Variants in NKAIN3 observed in about 807,000 individuals in gnomAD.
NKAIN3 encodes sodium/potassium transporting ATPase interacting 3, also known as sodium/potassium-transporting ATPase subunit beta-1-interacting protein 3.
NKAIN3 carries 25 observed loss-of-function variants against 30.2 expected under a neutral mutation model. That is an observed-to-expected ratio of 0.83 (90% CI 0.60 to 1.16). The LOEUF is 1.16. Ranked by LOEUF, NKAIN3 falls within the 50% of genes most tolerant of loss-of-function variation. The probability of loss-of-function intolerance (pLI) is 0.00; values close to 1 mark genes in which losing one functional copy is unlikely to be tolerated. For missense variants in NKAIN3, 225 were observed against 254.1 expected (o/e 0.89, Z 0.78); for synonymous variants, 91 against 89.6 (o/e 1.02, Z -0.09).
chr8:62,729,040 C>CAAAAA (rs1317282077), intron 3 of NKAIN3, among the ~76,000 whole-genome samples: 2 of 61,190 alleles, frequency 3.3e-5, no homozygotes, highest in African/African-American at 1.4e-4. Context: ...AAAAAAAAAA[C>CAAAAA]AAAAAAAAAA....
chr8:62,358,100 C>T (rs1490483156), intron 1 of NKAIN3, among the ~76,000 whole-genome samples: 1 of 151,990 alleles, frequency 6.6e-6, no homozygotes. Context: ...TAAGGTATGC[C>T]TAATTTATCA....
intron 1 of NKAIN3, among the ~76,000 whole-genome samples, chr8:62,560,729 TG>T (rs1337226333): frequency 4.0e-5 from 6 of 151,504 alleles, no homozygotes; most frequent in Non-Finnish European, 8.8e-5. Flanking sequence ...TTAGTAGAGA[TG>T]GGGTTTCACC....
intron 1 of NKAIN3, among the ~76,000 whole-genome samples, chr8:62,373,350 C>G (rs1816966861): frequency 6.6e-6 from 1 of 152,158 alleles, no homozygotes. Flanking sequence ...TGAAATTCTA[C>G]TAACTTTATT....
rs556211301 is a variant in NKAIN3 at position 62,310,258 on chromosome 8, T to A, written c.54+61131T>A. On this transcript the variant is annotated intron_variant, in intron 1 of 6. Coordinates refer to ENST00000623646, the MANE Select transcript of NKAIN3 (RefSeq NM_001304533.3). ...GGCTTAAAGAAGATGATAAATGGCATTGAAGTTATTACTATAGAAATGAAA... is the reference window on the plus strand; with the variant it reads ...GGCTTAAAGAAGATGATAAATGGCAATGAAGTTATTACTATAGAAATGAAA... 6.7e-4 allele frequency among the ~76,000 whole-genome samples: 101 copies of A among 150,556 alleles called. 4 individuals carry two copies. The highest frequency in any genetic ancestry group is 2.4e-3 in the African/African-American group (96 of 39,934).
chr8:62,504,779 C>T (rs770634993), intron 1 of NKAIN3, among the ~76,000 whole-genome samples: 1 of 152,156 alleles, frequency 6.6e-6, no homozygotes, highest in African/African-American at 2.4e-5. Context: ...AGCTGTCAAT[C>T]TCCCTTACAG....
At chr8:62,756,665 T>C (rs1186711840) in intron 4 of NKAIN3, among the ~76,000 whole-genome samples, 1 of 152,208 alleles carries the variant, frequency 6.6e-6, no homozygotes, top group African/African-American at 2.4e-5. Flanking sequence ...CCTGGTCTTA[T>C]ATAAATCCAA....
chr8:62,370,543 C>G (rs542282992), intron 1 of NKAIN3, among the ~76,000 whole-genome samples: 10 of 151,898 alleles, frequency 6.6e-5, no homozygotes, highest in Admixed American at 5.2e-4. Context: ...ATGTATTCCT[C>G]TAGTAATTTG....
intron 1 of NKAIN3, among the ~76,000 whole-genome samples, chr8:62,435,751 G>C (rs940897657): frequency 1.3e-5 from 2 of 152,042 alleles, no homozygotes; most frequent in Admixed American, 6.6e-5. Context: ...AAATACAAAA[G>C]TTATTATAAA....
intron 4 of NKAIN3, among the ~76,000 whole-genome samples, chr8:62,831,540 A>C (rs1296850886): frequency 6.6e-6 from 1 of 152,174 alleles, no homozygotes; most frequent in African/African-American, 2.4e-5. Context: ...AATCAATCAG[A>C]GCTTTTGGAA....
intron 3 of NKAIN3, among the ~76,000 whole-genome samples, chr8:62,665,782 G>A (rs1813079290): frequency 6.6e-6 from 1 of 152,122 alleles, no homozygotes; most frequent in African/African-American, 2.4e-5. Context: ...ATGATGCAAA[G>A]GTGTCTATGT....
intron 1 of NKAIN3, among the ~76,000 whole-genome samples, chr8:62,320,681 A>G (rs1814851764): frequency 1.3e-5 from 2 of 152,238 alleles, no homozygotes; most frequent in Non-Finnish European, 2.9e-5. Flanking sequence ...TCTGGCTTGT[A>G]GAGTTTCTGC....
chr8:62,274,684 T>C (rs1185248871), intron 1 of NKAIN3, among the ~76,000 whole-genome samples: 3 of 152,054 alleles, frequency 2.0e-5, no homozygotes, highest in African/African-American at 7.2e-5. Flanking sequence ...CATGCTGGTG[T>C]GCTGCATCCA....
rs1054606452 is a variant in NKAIN3, at chr8:62,863,093, A to G, written c.472-55360A>G. 5.0e-6 allele frequency: 6 copies of G among 1,206,652 alleles called. No individual in the cohort carries two copies. In the South Asian group the frequency reaches 7.3e-5, roughly 15 times the overall value. 74.7% of individuals were successfully genotyped at this position (1,206,652 alleles called of 1,614,324 possible). A position where few individuals can be genotyped will look rare whatever the true frequency, so the allele number is the denominator to read the frequency against. On this transcript the variant is annotated intron_variant, in intron 4 of 6. Transcript: ENST00000623646. ...TATCATATATCTCTCAAGTTAAGAA[A>G]AGGGTATTCCCCATCCTGCTCATTG...
intron 4 of NKAIN3, among the ~76,000 whole-genome samples, chr8:62,891,921 G>T (rs1265182416): frequency 6.6e-6 from 1 of 152,052 alleles, no homozygotes; most frequent in Non-Finnish European, 1.5e-5. Context: ...CTAAAGTAGG[G>T]ATGTCAGGAA....
intron 1 of NKAIN3, among the ~76,000 whole-genome samples, chr8:62,282,258 A>G (rs903912984): frequency 1.3e-5 from 2 of 152,118 alleles, no homozygotes; most frequent in African/African-American, 4.8e-5. Flanking sequence ...ACCATTTACT[A>G]AAAGTGATAC....
chr8:62,268,773 G>A (rs1812684792), intron 1 of NKAIN3, among the ~76,000 whole-genome samples: 1 of 152,060 alleles, frequency 6.6e-6, no homozygotes, highest in South Asian at 2.1e-4. Context: ...CTAACACCAT[G>A]AATGTCTATA....
At chr8:62,415,880 C>T (rs936618870) in intron 1 of NKAIN3, among the ~76,000 whole-genome samples, 19 of 152,080 alleles carry the variant, frequency 1.2e-4, no homozygotes, top group African/African-American at 4.6e-4. Flanking sequence ...GCCTCAGCCT[C>T]CCGAGTAGCT....
At chr8:62,392,430 TTAG>T (rs1817609210) in intron 1 of NKAIN3, among the ~76,000 whole-genome samples, 1 of 152,060 alleles carries the variant, frequency 6.6e-6, no homozygotes, top group African/African-American at 2.4e-5. Flanking sequence ...ATAAGTTTTA[TTAG>T]TAGTAGCAAT....
At chr8:62,574,083 A>T (rs1810031792) in intron 1 of NKAIN3, among the ~76,000 whole-genome samples, 1 of 152,124 alleles carries the variant, frequency 6.6e-6, no homozygotes, top group Admixed American at 6.6e-5. Flanking sequence ...CCATGAGTTC[A>T]ATTGTTTTTA....
Sources: gnomAD v4.1 joint callset for allele counts (sites outside exome capture counted in the v4.1 genomes callset) on GRCh38, gnomAD v4.1.1 for gene constraint, MANE v1.5 for transcripts, NCBI Gene and HGNC (gene_info 2026-07-23, HGNC 2026-07-21) for gene names.